GRM7: variants seen among roughly 807,000 people sequenced by gnomAD.
The protein encoded by GRM7 is glutamate metabotropic receptor 7, also known as metabotropic glutamate receptor 7.
In GRM7, 35 loss-of-function variants were observed where a neutral mutation model predicts 84.5. That is an observed-to-expected ratio of 0.41 (90% CI 0.32 to 0.55). The LOEUF (loss-of-function observed/expected upper bound fraction) is 0.55, where lower values mean the gene tolerates loss of function less well. GRM7 is among the 20% of genes least tolerant of loss of function. The pLI is 0.19. For synonymous variants in GRM7, 487 were observed against 455.1 expected (o/e 1.07, Z -0.89); for missense variants, 1,003 against 1,194.6 (o/e 0.84, Z 2.36).
At chr3:7,624,357 T>C (rs1697505501) in intron 8 of GRM7, among the ~76,000 whole-genome samples, 1 of 152,144 alleles carries the variant, frequency 6.6e-6, no homozygotes, top group Admixed American at 6.6e-5. Flanking sequence ...AGTAGGATTC[T>C]ACAGAGAAAA....
At chr3:7,565,031 C>A (rs1694196012) in intron 7 of GRM7, among the ~76,000 whole-genome samples, 1 of 152,132 alleles carries the variant, frequency 6.6e-6, no homozygotes, top group Non-Finnish European at 1.5e-5. Context: ...CTGAGTGCTC[C>A]ATATTTAATT....
At chr3:7,415,749 G>A (rs1273700464) in intron 5 of GRM7, among the ~76,000 whole-genome samples, 1 of 152,096 alleles carries the variant, frequency 6.6e-6, no homozygotes, top group African/African-American at 2.4e-5. Flanking sequence ...ACTCCTTTCT[G>A]CTATGCACTG....
intron 1 of GRM7, among the ~76,000 whole-genome samples, chr3:6,911,015 C>A (rs1696750040): frequency 6.6e-6 from 1 of 152,072 alleles, no homozygotes; most frequent in Non-Finnish European, 1.5e-5. Flanking sequence ...TTTTCCTGGG[C>A]CCTGGTTGAT....
intron 5 of GRM7, among the ~76,000 whole-genome samples, chr3:7,421,246 T>C (rs1020779279): frequency 1.3e-5 from 2 of 152,190 alleles, no homozygotes; most frequent in Non-Finnish European, 2.9e-5. Context: ...GCCACCTATG[T>C]TAATTGCCAA....
rs543409781 is a variant in GRM7, at chr3:7,189,255, C to T, written c.736+42587C>T. 5.3e-5 allele frequency among the ~76,000 whole-genome samples: 8 copies of T among 152,150 alleles called. No individual in the cohort carries two copies. In the East Asian group the frequency reaches 9.7e-4, roughly 18 times the overall value. On this transcript the variant is annotated intron_variant, in intron 2 of 9. Transcript: ENST00000357716. The stretch of plus-strand genomic sequence containing the variant: ...TATACACACATATACACATATATCA[C>T]GCACACACACACGCACGTGAGAAAG...
chr3:7,681,572 A>ACT (rs1700369580), intron 9 of GRM7: 1 of 152,222 alleles, frequency 6.6e-6, no homozygotes, highest in Non-Finnish European at 1.5e-5. Context: ...TTTGTGACAG[A>ACT]AGTCCTAGGA....
intron 1 of GRM7, among the ~76,000 whole-genome samples, chr3:6,936,517 G>T (rs1228140580): frequency 6.6e-6 from 1 of 152,044 alleles, no homozygotes; most frequent in Non-Finnish European, 1.5e-5. Flanking sequence ...CTATTTTTTT[G>T]AGTTCTCTTT....
intron 5 of GRM7, among the ~76,000 whole-genome samples, chr3:7,441,743 C>T (rs1350444457): frequency 6.6e-6 from 1 of 152,050 alleles, no homozygotes; most frequent in African/African-American, 2.4e-5. Flanking sequence ...GAATCCTTTT[C>T]CCATTGGTCA....
chr3:6,973,847 C>T (rs1444587322), intron 1 of GRM7, among the ~76,000 whole-genome samples: 1 of 152,060 alleles, frequency 6.6e-6, no homozygotes, highest in African/African-American at 2.4e-5. Context: ...GCCTTAGCAG[C>T]TATGGTAAGG....
At chr3:6,918,565 ATAT>A (rs1348120437) in intron 1 of GRM7, among the ~76,000 whole-genome samples, 1 of 152,140 alleles carries the variant, frequency 6.6e-6, no homozygotes, top group African/African-American at 2.4e-5. Context: ...GTCAATTTTA[ATAT>A]TATCTTCTAT....
intron 1 of GRM7, among the ~76,000 whole-genome samples, chr3:6,877,850 CACAT>C (rs201628581): frequency 7.7e-4 from 98 of 128,016 alleles, no homozygotes; most frequent in African/African-American, 2.3e-3. Flanking sequence ...CACACACACA[CACAT>C]ATGACTTCTG....
intron 7 of GRM7, among the ~76,000 whole-genome samples, chr3:7,489,665 G>T (rs1201155807): frequency 6.6e-6 from 1 of 152,062 alleles, no homozygotes; most frequent in Non-Finnish European, 1.5e-5. Context: ...CATTTTGTGT[G>T]TATGCATAAT....
intron 5 of GRM7, among the ~76,000 whole-genome samples, chr3:7,416,721 A>C (rs1293200018): frequency 6.6e-6 from 1 of 152,166 alleles, no homozygotes; most frequent in Non-Finnish European, 1.5e-5. Context: ...AGATCATGCT[A>C]TATAACAATA....
chr3:6,887,026 G>A (rs958280995), intron 1 of GRM7, among the ~76,000 whole-genome samples: 22 of 151,638 alleles, frequency 1.5e-4, no homozygotes, highest in African/African-American at 5.1e-4. Flanking sequence ...TGAATTTGTT[G>A]TTGTTTTTAA....
chr3:7,068,622 T>C (rs1024076754), intron 1 of GRM7, among the ~76,000 whole-genome samples: 8 of 152,024 alleles, frequency 5.3e-5, no homozygotes, highest in Non-Finnish European at 1.0e-4. Context: ...GATAGTATAT[T>C]AGGATTATTT....
intron 7 of GRM7, among the ~76,000 whole-genome samples, chr3:7,491,845 G>A (rs1384645225): frequency 1.3e-5 from 2 of 152,176 alleles, no homozygotes; most frequent in Non-Finnish European, 2.9e-5. Flanking sequence ...AATACCTGAA[G>A]GAGAAGCAGC....
intron 1 of GRM7, among the ~76,000 whole-genome samples, chr3:6,948,096 A>C (rs967045236): frequency 6.6e-6 from 1 of 152,032 alleles, no homozygotes; most frequent in African/African-American, 2.4e-5. Context: ...GCCTTCTTGT[A>C]GCCTTTGAAT....
At chr3:7,311,796 T>C (rs112271805) in intron 4 of GRM7, among the ~76,000 whole-genome samples, 13,062 of 152,114 alleles carry the variant, frequency 0.086, 1,842 homozygotes, top group African/African-American at 0.3. Flanking sequence ...GGTTTCACCA[T>C]GTTGGCCAGG....
chr3:6,885,683 C>G (rs9833520), intron 1 of GRM7, among the ~76,000 whole-genome samples: 2 of 152,138 alleles, frequency 1.3e-5, no homozygotes, highest in African/African-American at 4.8e-5. Flanking sequence ...TGAAGACCAA[C>G]CAACTTAAAG....
Sources: allele counts gnomAD v4.1 joint callset (sites outside exome capture counted in the v4.1 genomes callset), GRCh38; gene constraint gnomAD v4.1.1; transcripts MANE v1.5; gene names NCBI Gene and HGNC (gene_info 2026-07-23, HGNC 2026-07-21).